The following GPHN variants were observed in gnomAD, a reference collection of about 807,000 sequenced individuals.
The protein encoded by GPHN is gephyrin.
GPHN carries 17 observed loss-of-function variants against 95.5 expected under a neutral mutation model. The observed-to-expected ratio is 0.18, with a 90% CI of 0.12 to 0.27. The LOEUF (loss-of-function observed/expected upper bound fraction) is 0.27. Among genes scored for constraint, GPHN ranks in the 10% least tolerant of loss-of-function variants. GPHN has a pLI of 1.00. For missense variants in GPHN, 660 were observed against 978.1 expected, an observed-to-expected ratio of 0.67 and a Z score of 4.34; for synonymous variants, 320 against 322.5, an observed-to-expected ratio of 0.99 and a Z score of 0.08.
chr14:66,671,153 A>C (rs994762813), intron 1 of GPHN, among the ~76,000 whole-genome samples: 1 of 152,184 alleles, frequency 6.6e-6, no homozygotes, highest in Admixed American at 6.5e-5. Flanking sequence ...TGTTATTGGC[A>C]CATACTAATC....
Position 67,037,681 on chromosome 14 carries a change from A to G in GPHN, c.1006+14006A>G, listed in dbSNP as rs968202210. 4.6e-5 allele frequency among the ~76,000 whole-genome samples: 7 copies of G among 151,994 alleles called. No individual in the cohort carries two copies. In the East Asian group the frequency reaches 7.7e-4, roughly 17 times the overall value. ...CTCAAAGAAGATATACAAATGGCCA[A>G]CACACATATGAAAAGCTGCTCAATG... On this transcript the variant is annotated intron_variant, in intron 10 of 22. Coordinates refer to ENST00000478722, the MANE Select transcript of GPHN (RefSeq NM_020806.5).
intron 13 of GPHN, among the ~76,000 whole-genome samples, chr14:67,106,085 T>C (rs775590304): frequency 3.3e-5 from 5 of 152,178 alleles, no homozygotes; most frequent in Admixed American, 1.3e-4. Flanking sequence ...GTAAGGCCAG[T>C]GTAGTAGTAA....
the GPHN span, among the ~76,000 whole-genome samples, chr14:67,492,091 C>T: frequency 3.9e-5 from 6 of 152,224 alleles, no homozygotes; most frequent in African/African-American, 1.2e-4. Context: ...CCCCTTCCTC[C>T]TCCCCATCTA....
chr14:66,958,020 C>G (rs560030242), intron 8 of GPHN, among the ~76,000 whole-genome samples: 1 of 152,194 alleles, frequency 6.6e-6, no homozygotes, highest in Non-Finnish European at 1.5e-5. Flanking sequence ...CATAAAAACA[C>G]TCCTTGGTGC....
the GPHN span, among the ~76,000 whole-genome samples, chr14:67,444,583 C>T: frequency 6.6e-6 from 1 of 152,048 alleles, no homozygotes; most frequent in African/African-American, 2.4e-5. Flanking sequence ...ATAATAAGGC[C>T]CTTCCTTACA....
At chr14:67,182,040 C>T (rs1211810768), downstream of GPHN, among the ~76,000 whole-genome samples, 3 of 152,090 alleles carry the variant, frequency 2.0e-5, no homozygotes, top group Non-Finnish European at 4.4e-5. Flanking sequence ...TCTCGTCTTT[C>T]CAGTCATAGC....
At chr14:66,922,521 C>G (rs1426837923) in intron 6 of GPHN, 145 bp from the exon 7 acceptor site, 1 of 647,808 alleles carries the variant, frequency 1.5e-6, no homozygotes. Context: ...TGGCATATTG[C>G]TAAGACAATG....
At position 66,980,584 on chromosome 14, in the gene GPHN, A is replaced by G. The variant is rs534007913; in HGVS notation, c.963+15259A>G. ...AGTTAGTGAACAGGAAATAATTTAT[A>G]TAAAGGTCTAATTTTATATAGATTA... On this transcript the variant is annotated intron_variant, in intron 9 of 22. Coordinates refer to ENST00000478722, the MANE Select transcript of GPHN (RefSeq NM_020806.5). Among the ~76,000 whole-genome samples, 104 of 152,272 alleles carry G rather than the reference A, an allele frequency of 6.8e-4. 2 individuals carry two copies. In the South Asian group the frequency reaches 0.021, roughly 31 times the overall value.
the GPHN span, among the ~76,000 whole-genome samples, chr14:67,218,933 C>T: frequency 6.6e-6 from 1 of 151,902 alleles, no homozygotes; most frequent in Non-Finnish European, 1.5e-5. Context: ...AGATCCTGGC[C>T]CAGGTTCTGC....
chr14:67,209,893 G>C, the GPHN span, among the ~76,000 whole-genome samples: 1 of 150,930 alleles, frequency 6.6e-6, no homozygotes, highest in East Asian at 1.9e-4. Context: ...GTAGGAATTT[G>C]TAAGGGATCC....
At chr14:66,586,802 G>A (rs2061438686) in intron 1 of GPHN, among the ~76,000 whole-genome samples, 1 of 151,904 alleles carries the variant, frequency 6.6e-6, no homozygotes, top group Non-Finnish European at 1.5e-5. Context: ...TCAAAAATAA[G>A]AAAGATCCCA....
At chr14:66,824,665 G>C in intron 4 of GPHN, 99 bp downstream of exon 4, 1 of 647,988 alleles carries the variant, frequency 1.5e-6, no homozygotes, top group Middle Eastern at 3.9e-4. Flanking sequence ...ACTTTGCTAG[G>C]CATAACAAAT....
chr14:67,360,491 C>T, the GPHN span: 1 of 338,270 alleles, frequency 3.0e-6, no homozygotes. Flanking sequence ...TCCAGGAACT[C>T]ACTTTGGTTT....
chr14:66,937,409 T>C (rs1199409133), intron 8 of GPHN, among the ~76,000 whole-genome samples: 1 of 149,550 alleles, frequency 6.7e-6, no homozygotes, highest in Non-Finnish European at 1.5e-5. Flanking sequence ...TGAGACTGAG[T>C]CTCCTTCTGT....
At chr14:67,505,681 C>A in the GPHN span, among the ~76,000 whole-genome samples, 1 of 150,832 alleles carries the variant, frequency 6.6e-6, no homozygotes, top group South Asian at 2.1e-4. Flanking sequence ...GAGGAAGGAG[C>A]AATGATCTAG....
the GPHN span, among the ~76,000 whole-genome samples, chr14:67,256,144 A>G: frequency 6.6e-6 from 1 of 152,212 alleles, no homozygotes; most frequent in Non-Finnish European, 1.5e-5. Context: ...ATAGAAGTGG[A>G]AAGTAGGGAA....
chr14:67,270,984 G>A, the GPHN span: 1 of 152,164 alleles, frequency 6.6e-6, no homozygotes. Context: ...AAATGAGGAA[G>A]GTAAATTAGA....
intron 8 of GPHN, among the ~76,000 whole-genome samples, chr14:66,937,659 G>C (rs1294781621): frequency 6.6e-6 from 1 of 152,150 alleles, no homozygotes; most frequent in Non-Finnish European, 1.5e-5. Flanking sequence ...TTACAGGCAT[G>C]AGCCACCGCA....
the GPHN span, among the ~76,000 whole-genome samples, chr14:67,663,823 C>T: frequency 7.9e-5 from 12 of 152,204 alleles, no homozygotes; most frequent in South Asian, 6.2e-4. Context: ...GGTTAGTCAG[C>T]GGGGTGAGGT....
Sources: gnomAD v4.1 joint callset for allele counts (sites outside exome capture counted in the v4.1 genomes callset) on GRCh38, gnomAD v4.1.1 for gene constraint, MANE v1.5 for transcripts, NCBI Gene and HGNC (gene_info 2026-07-23, HGNC 2026-07-21) for gene names.